The following SLC44A3 variants were observed in gnomAD, a reference collection of about 807,000 sequenced individuals.
SLC44A3 encodes the protein solute carrier family 44 member 3, also known as choline transporter-like protein 3.
A neutral mutation model predicts 75.4 loss-of-function variants in SLC44A3; 74 were observed. The ratio of observed to expected loss-of-function variants is 0.98; its 90% CI spans 0.81 to 1.19. The LOEUF is 1.19. Among genes scored for constraint, SLC44A3 ranks in the 50% most tolerant of loss-of-function variants. The pLI is 0.00. For missense variants in SLC44A3, 700 were observed against 778.6 expected (o/e 0.90, Z 1.20); for synonymous variants, 310 against 296.9 (o/e 1.04, Z -0.45).
chr1:94,821,504 A>G (rs1660585191), intron 2 of SLC44A3, among the ~76,000 whole-genome samples: 1 of 152,154 alleles, frequency 6.6e-6, no homozygotes, highest in African/African-American at 2.4e-5. Flanking sequence ...CGCGAGAGAT[A>G]TGTTGTGTTT....
intron 12 of SLC44A3, among the ~76,000 whole-genome samples, chr1:94,883,322 A>G (rs1669202829): frequency 6.6e-6 from 1 of 152,122 alleles, no homozygotes; most frequent in East Asian, 1.9e-4. Context: ...GCAATATGGC[A>G]TGAACCCATC....
chr1:94,822,811 G>A (rs1449043494), intron 2 of SLC44A3, among the ~76,000 whole-genome samples: 1 of 152,070 alleles, frequency 6.6e-6, no homozygotes, highest in Non-Finnish European at 1.5e-5. Context: ...CTACCTTGGT[G>A]GCCAATGTAC....
At chr1:94,829,104 T>C (rs1661764732) in intron 5 of SLC44A3, among the ~76,000 whole-genome samples, 1 of 151,940 alleles carries the variant, frequency 6.6e-6, no homozygotes, top group African/African-American at 2.4e-5. Context: ...TATTTTTTTG[T>C]ATACTAAAAA....
chr1:94,836,302 T>A (rs749307426), intron 5 of SLC44A3, among the ~76,000 whole-genome samples: 1 of 152,174 alleles, frequency 6.6e-6, no homozygotes, highest in Non-Finnish European at 1.5e-5. Context: ...CTCATGAAGA[T>A]TCATTAGAAT....
intron 10 of SLC44A3, among the ~76,000 whole-genome samples, chr1:94,860,529 C>T (rs532531992): frequency 3.9e-5 from 6 of 152,092 alleles, no homozygotes; most frequent in Admixed American, 2.0e-4. Flanking sequence ...AGAAGCTTCC[C>T]GAGGGAAAAA....
At chr1:94,868,591 C>T (rs1031752693) in intron 12 of SLC44A3, among the ~76,000 whole-genome samples, 2 of 152,128 alleles carry the variant, frequency 1.3e-5, no homozygotes, top group African/African-American at 2.4e-5. Context: ...ATACATTTGT[C>T]GTGGTGTAAG....
chr1:94,875,388 C>T (rs1257190918), intron 12 of SLC44A3, among the ~76,000 whole-genome samples: 1 of 152,194 alleles, frequency 6.6e-6, no homozygotes, highest in Non-Finnish European at 1.5e-5. Context: ...GATCATGAAA[C>T]AGCCTCCCCT....
At chr1:94,867,522 G>A in intron 12 of SLC44A3, 105 bp downstream of exon 12, 2 of 788,400 alleles carry the variant, frequency 2.5e-6, no homozygotes, top group Non-Finnish European at 3.8e-6. Flanking sequence ...GCTAAATTGT[G>A]TAAACATTTT....
intron 2 of SLC44A3, 99 bp from the exon 3 acceptor site, chr1:94,824,394 G>A (rs768063822): frequency 4.2e-5 from 59 of 1,405,558 alleles, no homozygotes; most frequent in East Asian, 7.4e-5. Flanking sequence ...AGAGCTTCAC[G>A]TTCCACCAGG....
chr1:94,850,597 T>A (rs12025599), intron 9 of SLC44A3, among the ~76,000 whole-genome samples: 19 of 152,040 alleles, frequency 1.2e-4, no homozygotes, highest in Non-Finnish European at 2.5e-4. Context: ...GAGTTTTCCA[T>A]AGGTTTCCCA....
rs1209018245 is a variant in SLC44A3 at position 94,820,463 on chromosome 1, G to A, written c.12G>A (p.Leu4=). The change falls in exon 1 of 15, where the codon CTG becomes CTA. Residue 4 remains leucine, a synonymous_variant. Coordinates refer to ENST00000271227, the MANE Select transcript of SLC44A3 (RefSeq NM_001114106.3). The part of the protein sequence containing the change: MHC[L]GAEYLVSAEG... ...CCGGCGAGCGCACGATGCACTGCCT[G>A]GGCGCCGAGTACCTGGTAAGCGCTC... The A allele has an allele frequency of 6.9e-5, 103 of 1,494,230 alleles. No homozygotes were observed. Among genetic ancestry groups the A allele is most frequent in the Non-Finnish European group, 8.3e-5 (94 of 1,125,918 alleles). 92.6% of individuals were successfully genotyped at this position (1,494,230 alleles called of 1,614,324 possible).
At chr1:94,842,698 A>G (rs1408038615) in intron 8 of SLC44A3, among the ~76,000 whole-genome samples, 1 of 152,192 alleles carries the variant, frequency 6.6e-6, no homozygotes, top group Non-Finnish European at 1.5e-5. Flanking sequence ...GGCCGTTAGG[A>G]AGGCTCAAAT....
intron 12 of SLC44A3, among the ~76,000 whole-genome samples, chr1:94,886,639 T>G (rs1207694260): frequency 6.6e-6 from 1 of 152,134 alleles, no homozygotes; most frequent in Non-Finnish European, 1.5e-5. Flanking sequence ...TTCTGCTCTT[T>G]GTGGCCCTCA....
intron 9 of SLC44A3, among the ~76,000 whole-genome samples, chr1:94,853,899 A>G (rs1665530943): frequency 6.6e-6 from 1 of 151,346 alleles, no homozygotes; most frequent in Non-Finnish European, 1.5e-5. Context: ...GTTCCGCCTA[A>G]TAGCTGAGGT....
At chr1:94,873,323 A>G (rs1667958635) in intron 12 of SLC44A3, among the ~76,000 whole-genome samples, 1 of 152,184 alleles carries the variant, frequency 6.6e-6, no homozygotes, top group Non-Finnish European at 1.5e-5. Context: ...TCTAGATAAG[A>G]TCTAGTAAGT....
At chr1:94,854,026 C>T (rs1451768194) in intron 9 of SLC44A3, among the ~76,000 whole-genome samples, 1 of 152,162 alleles carries the variant, frequency 6.6e-6, no homozygotes, top group East Asian at 1.9e-4. Flanking sequence ...CTCACTGTAG[C>T]TGACCCTATT....
intron 11 of SLC44A3, among the ~76,000 whole-genome samples, chr1:94,865,593 C>A (rs1460455141): frequency 6.6e-6 from 1 of 152,156 alleles, no homozygotes; most frequent in African/African-American, 2.4e-5. Flanking sequence ...CAGTGGAAAC[C>A]AGAACACCAG....
At chr1:94,847,011 T>C (rs571140863) in intron 9 of SLC44A3, among the ~76,000 whole-genome samples, 1 of 152,326 alleles carries the variant, frequency 6.6e-6, no homozygotes, top group East Asian at 1.9e-4. Flanking sequence ...CAGAGGTGCA[T>C]AGGGGCAGTC....
rs1013518802 is a variant in SLC44A3 at position 94,886,272 on chromosome 1, A to C, written c.1483-4858A>C. Among the ~76,000 whole-genome samples, 5 of 152,238 alleles carry C rather than the reference A, an allele frequency of 3.3e-5. No individual in the cohort carries two copies. The East Asian group carries it at 9.7e-4, about 29-fold the overall frequency. ...GCTCAGCAGAAGATGGTGATGAGGG[A>C]GATCTGACCTGAACTTCCCCAGGGC... On this transcript the variant is annotated intron_variant, in intron 12 of 14. Transcript: ENST00000271227.
Sources: allele counts gnomAD v4.1 joint callset (sites outside exome capture counted in the v4.1 genomes callset), GRCh38; gene constraint gnomAD v4.1.1; transcripts MANE v1.5; gene names NCBI Gene and HGNC (gene_info 2026-07-23, HGNC 2026-07-21).